Variants in KIAA0825 observed in about 807,000 individuals in gnomAD.
KIAA0825 encodes KIAA0825.
Under a neutral mutation model 147.6 loss-of-function variants are expected in KIAA0825, and 119 were observed. The ratio of observed to expected loss-of-function variants is 0.81; its 90% confidence interval spans 0.69 to 0.94. The LOEUF (loss-of-function observed/expected upper bound fraction) is 0.94. Ranked by LOEUF, KIAA0825 falls within the 40% of genes least tolerant of loss-of-function variation. The probability of loss-of-function intolerance (pLI) is 0.00; values close to 1 mark genes in which losing one functional copy is unlikely to be tolerated. For missense variants in KIAA0825, 1,381 were observed against 1,472.7 expected (o/e 0.94, Z 1.02); for synonymous variants, 470 against 518.1 (o/e 0.91, Z 1.26).
chr5:94,475,084 A>G lies in KIAA0825; in HGVS notation c.1228-1565T>C, dbSNP rs569699744. On this transcript the variant is annotated intron_variant, in intron 7 of 20. Coordinates refer to ENST00000682413, the MANE Select transcript of KIAA0825 (RefSeq NM_001145678.3). The stretch of plus-strand genomic sequence containing the variant: ...AGCCTGGGCAACAGAGCGAGACTCC[A>G]TCTCAAAAAAAAAAAAAAATTCATC... Among the ~76,000 whole-genome samples the G allele has an allele frequency of 1.9e-4, 28 of 150,202 alleles. 1 individual carries two copies. In the South Asian group the frequency reaches 5.6e-3, roughly 30 times the overall value.
Position 94,369,487 on chromosome 5 carries a change from G to A in KIAA0825, c.3710+14881C>T, listed in dbSNP as rs190630951. On this transcript the variant is annotated intron_variant, in intron 20 of 20. Coordinates refer to ENST00000682413, the MANE Select transcript of KIAA0825 (RefSeq NM_001145678.3). Reference sequence around the variant, plus strand: ...GATAATCACCTGAGGCTATGTGAGCGAATGAGTTAGCTTCAGGAAAAGAGG... The same window carrying A: ...GATAATCACCTGAGGCTATGTGAGCAAATGAGTTAGCTTCAGGAAAAGAGG... Among the ~76,000 whole-genome samples the A allele has an allele frequency of 9.9e-5, 15 of 152,250 alleles. 1 individual carries two copies. The highest frequency in any genetic ancestry group is 1.4e-4 in the African/African-American group (6 of 41,532).
At chr5:94,214,271 C>T (rs1340191700) in intron 20 of KIAA0825, among the ~76,000 whole-genome samples, 1 of 152,078 alleles carries the variant, frequency 6.6e-6, no homozygotes, top group African/African-American at 2.4e-5. Flanking sequence ...AAGAGGATCT[C>T]TATAAAGATC....
At chr5:94,215,953 A>G (rs1773154158) in intron 20 of KIAA0825, among the ~76,000 whole-genome samples, 1 of 151,570 alleles carries the variant, frequency 6.6e-6, no homozygotes, top group African/African-American at 2.4e-5. Flanking sequence ...ACCACGATGA[A>G]CTCCTGGCAC....
At chr5:94,447,364 A>G (rs531102189) in intron 13 of KIAA0825, among the ~76,000 whole-genome samples, 2 of 152,266 alleles carry the variant, frequency 1.3e-5, no homozygotes, top group African/African-American at 4.8e-5. Flanking sequence ...GTTAAAGTAT[A>G]TGAACCTGCA....
Position 94,246,534 on chromosome 5 carries a change from C to G in KIAA0825, c.3711-92410G>C, listed in dbSNP as rs201612650. 7.9e-5 allele frequency among the ~76,000 whole-genome samples: 12 copies of G among 152,180 alleles called. No homozygotes were observed. In the South Asian group the frequency reaches 2.5e-3, roughly 32 times the overall value. ...AAGCAGAGAAGATTCCACAGGAATC[C>G]TCTCAAAGGTGAAAACTGTTACATA... On this transcript the variant is annotated intron_variant, in intron 20 of 20. Transcript: ENST00000682413.
intron 3 of KIAA0825, among the ~76,000 whole-genome samples, chr5:94,536,388 A>G (rs1772022217): frequency 6.6e-6 from 1 of 152,238 alleles, no homozygotes; most frequent in African/African-American, 2.4e-5. Context: ...AGAACCTTTG[A>G]TCAAAAGGAT....
chr5:94,469,871 G>T, intron 10 of KIAA0825, 90 bp downstream of exon 10: 3 of 1,048,788 alleles, frequency 2.9e-6, no homozygotes, highest in Non-Finnish European at 4.0e-6. Flanking sequence ...TATTAGTAAT[G>T]CCAAGCTCAT....
intron 14 of KIAA0825, among the ~76,000 whole-genome samples, chr5:94,418,196 GAATA>G (rs1195391815): frequency 2.6e-5 from 4 of 152,100 alleles, no homozygotes; most frequent in South Asian, 2.1e-4. Flanking sequence ...AAGCATTTCA[GAATA>G]AATAGATTTC....
intron 1 of KIAA0825, among the ~76,000 whole-genome samples, chr5:94,609,440 A>C (rs1356732600): frequency 6.6e-6 from 1 of 152,286 alleles, no homozygotes; most frequent in Non-Finnish European, 1.5e-5. Flanking sequence ...AATTTATAAT[A>C]CAAAAAATAT....
intron 11 of KIAA0825, among the ~76,000 whole-genome samples, chr5:94,464,077 A>G (rs1362077849): frequency 6.6e-6 from 1 of 151,392 alleles, no homozygotes; most frequent in African/African-American, 2.4e-5. Context: ...AAAAAAAAAA[A>G]AAAAAAAAGA....
chr5:94,447,177 G>T (rs1757834523), intron 13 of KIAA0825, among the ~76,000 whole-genome samples: 1 of 152,036 alleles, frequency 6.6e-6, no homozygotes, highest in Non-Finnish European at 1.5e-5. Context: ...TTTCAAGAAG[G>T]TAGTCATGTA....
At chr5:94,321,224 C>G (rs1450413802) in intron 20 of KIAA0825, among the ~76,000 whole-genome samples, 2 of 151,868 alleles carry the variant, frequency 1.3e-5, no homozygotes, top group African/African-American at 4.8e-5. Context: ...TCATTGGCTA[C>G]CTTTTGCACA....
chr5:94,494,833 A>AT (rs954782775), intron 5 of KIAA0825, among the ~76,000 whole-genome samples: 1 of 152,150 alleles, frequency 6.6e-6, no homozygotes, highest in Non-Finnish European at 1.5e-5. Context: ...TTTATATTTC[A>AT]TTTTTTAAAG....
At chr5:94,383,916 T>C (rs1291479688) in intron 20 of KIAA0825, among the ~76,000 whole-genome samples, 1 of 152,098 alleles carries the variant, frequency 6.6e-6, no homozygotes, top group Non-Finnish European at 1.5e-5. Context: ...ATGACAGTTT[T>C]ACTTACATGT....
intron 20 of KIAA0825, among the ~76,000 whole-genome samples, chr5:94,236,963 A>G (rs1015053542): frequency 6.6e-6 from 1 of 152,192 alleles, no homozygotes; most frequent in Admixed American, 6.5e-5. Context: ...TGTGTGACTC[A>G]GTTTATTGAA....
chr5:94,252,758 C>G (rs1174005439), intron 20 of KIAA0825, among the ~76,000 whole-genome samples: 1 of 151,924 alleles, frequency 6.6e-6, no homozygotes, highest in Admixed American at 6.6e-5. Flanking sequence ...TGCAACTATT[C>G]TAAGGAAAGA....
chr5:94,329,686 G>C (rs1451179539), intron 20 of KIAA0825, among the ~76,000 whole-genome samples: 1 of 152,056 alleles, frequency 6.6e-6, no homozygotes, highest in Admixed American at 6.6e-5. Flanking sequence ...ATTAGGAAGG[G>C]AAATCAAGAC....
chr5:94,429,817 A>G (rs935477751), intron 14 of KIAA0825, among the ~76,000 whole-genome samples: 1 of 152,190 alleles, frequency 6.6e-6, no homozygotes, highest in African/African-American at 2.4e-5. Flanking sequence ...GGAGCTGGGA[A>G]ACCACCTCGG....
At chr5:94,375,995 A>G (rs897058064) in intron 20 of KIAA0825, among the ~76,000 whole-genome samples, 1 of 152,252 alleles carries the variant, frequency 6.6e-6, no homozygotes, top group South Asian at 2.1e-4. Flanking sequence ...AGTGATTAAG[A>G]ACATGGCCTC....
Sources: allele counts gnomAD v4.1 joint callset (sites outside exome capture counted in the v4.1 genomes callset), GRCh38; gene constraint gnomAD v4.1.1; transcripts MANE v1.5; gene names NCBI Gene and HGNC (gene_info 2026-07-23, HGNC 2026-07-21).